Variants in CACNA1S observed in about 807,000 individuals in gnomAD.
The protein encoded by CACNA1S is calcium voltage-gated channel subunit alpha1 S, also known as voltage-dependent L-type calcium channel subunit alpha-1S.
CACNA1S carries 126 observed loss-of-function variants against 207.4 expected under a neutral mutation model. That is an observed-to-expected ratio of 0.61 (90% confidence interval 0.53 to 0.70). The LOEUF is 0.70. Among genes scored for constraint, CACNA1S ranks in the 30% least tolerant of loss-of-function variants. The pLI is 0.00. For synonymous variants in CACNA1S, 960 were observed against 932.7 expected (o/e 1.03, Z -0.53); for missense variants, 2,349 against 2,422.8 (o/e 0.97, Z 0.64).
At chr1:201,101,202 G>T (rs567661784) in intron 2 of CACNA1S, among the ~76,000 whole-genome samples, 1 of 152,292 alleles carries the variant, frequency 6.6e-6, no homozygotes, top group African/African-American at 2.4e-5. Flanking sequence ...TATCTTCTCT[G>T]CCATGAATGA....
chr1:201,089,379 T>C lies in CACNA1S; in HGVS notation c.779A>G (p.Glu260Gly). 1 of 1,614,230 alleles carries C rather than the reference T, an allele frequency of 6.2e-7. No individual in the cohort carries two copies. The highest frequency in any genetic ancestry group is 8.5e-7 in the Non-Finnish European group (1 of 1,180,024). The change falls in exon 6 of 44, where the codon GAG becomes GGG. Residue 260 changes from glutamate (E) to glycine (G), a missense_variant. Physicochemically the swap from Glu to Gly is moderately conservative, Grantham distance 98. Transcript: ENST00000362061. ...SGRRCTINGSECRGGWPGPNH... is the reference protein window; with the variant it reads ...SGRRCTINGSGCRGGWPGPNH... ...GGGCCCTGGCCAGCCGCCCCGGCAC[T>C]CACTGCCATTGATGGTGCACCGGCG...
At chr1:201,041,326 C>G (rs564611503) in intron 41 of CACNA1S, among the ~76,000 whole-genome samples, 178 bp downstream of exon 41, 114 of 152,332 alleles carry the variant, frequency 7.5e-4, no homozygotes, top group African/African-American at 2.5e-3. Flanking sequence ...CTGCTTCCCC[C>G]CTGGACAAGT....
rs755964792 is a variant in CACNA1S at position 201,070,282 on chromosome 1, G to A, written c.2350C>T (p.Pro784Ser). ...PEASSFFIFS[P>S]TNKIRVLCHR... ...CCAAGGGGCACCCACTTATTGGTGG[G>A]GCTGAAGATGAAGAAGGAGCTGGCT... is the stretch of plus-strand genomic sequence containing the variant. Residue 784 changes from proline (P) to serine (S), a missense_variant, in exon 17 of 44, where the codon CCC becomes TCC. Pro to Ser is a moderately conservative substitution (Grantham distance 74). Transcript: ENST00000362061. The A allele has an allele frequency of 6.2e-7, 1 of 1,613,988 alleles. No homozygotes were observed. The highest frequency in any genetic ancestry group is 8.5e-7 in the Non-Finnish European group (1 of 1,180,020).
At chr1:201,047,457 C>G in intron 37 of CACNA1S, 68 bp downstream of exon 37, 1 of 1,401,950 alleles carries the variant, frequency 7.1e-7, no homozygotes, top group Non-Finnish European at 1.0e-6. Context: ...CATGGGGCTC[C>G]TTGGAGAAGC....
Position 201,059,819 on chromosome 1 carries a change from C to T in CACNA1S, c.3415-520G>A, listed in dbSNP as rs897212875. On this transcript the variant is annotated intron_variant, in intron 26 of 43. Transcript: ENST00000362061. ...TGATTATGAGGCATGATGGTGAGGC[C>T]CCTGTCACCTACCACTATGACCCTC... is the stretch of plus-strand genomic sequence containing the variant. 2.6e-5 allele frequency among the ~76,000 whole-genome samples: 4 copies of T among 152,192 alleles called. No individual in the cohort carries two copies. In the South Asian group the frequency reaches 8.3e-4, roughly 32 times the overall value.
Position 201,089,248 on chromosome 1 carries a change from C to A in CACNA1S, c.900+10G>T, listed in dbSNP as rs752163244. 2 of 1,613,778 alleles carry A rather than the reference C, an allele frequency of 1.2e-6. No homozygotes were observed. Among genetic ancestry groups the A allele is most frequent in the Non-Finnish European group, 1.7e-6 (2 of 1,179,632 alleles). On this transcript the variant is annotated intron_variant, in intron 6 of 43. Coordinates refer to ENST00000362061, the MANE Select transcript of CACNA1S (RefSeq NM_000069.3). ...GGGAGATGGTTCTGCAGGCGCGGGC[C>A]CAGACCCACCCAGTAAAGGACGTCA...
intron 40 of CACNA1S, chr1:201,042,975 A>T (rs1660324418): frequency 2.6e-6 from 1 of 379,058 alleles, no homozygotes; most frequent in Non-Finnish European, 5.0e-6. Context: ...ACCACCGAAG[A>T]TCCTCTCCTA....
chr1:201,049,323 C>A (rs1660576186), intron 34 of CACNA1S, among the ~76,000 whole-genome samples: 1 of 152,220 alleles, frequency 6.6e-6, no homozygotes, highest in Admixed American at 6.5e-5. Context: ...AGGCTCTCTC[C>A]TTTGGCGCAT....
chr1:201,109,987 A>T (rs1270856238), intron 2 of CACNA1S, among the ~76,000 whole-genome samples, 177 bp downstream of exon 2: 1 of 152,104 alleles, frequency 6.6e-6, no homozygotes, highest in African/African-American at 2.4e-5. Flanking sequence ...AAGCAGGTTG[A>T]CCCTGGAAAC....
chr1:201,090,868 G>A (rs115870109), intron 5 of CACNA1S, among the ~76,000 whole-genome samples: 172 of 152,200 alleles, frequency 1.1e-3, no homozygotes, highest in African/African-American at 3.7e-3. Flanking sequence ...GTAAAATAGC[G>A]TCACCACTCT....
intron 15 of CACNA1S, 21 bp from the exon 16 acceptor site, chr1:201,072,845 A>G (rs760881678): frequency 2.5e-6 from 4 of 1,601,572 alleles, no homozygotes; most frequent in Non-Finnish European, 2.6e-6. Context: ...GAACACAATG[A>G]CTATAACAAT....
chr1:201,077,771 G>A (rs1426728110), intron 11 of CACNA1S, 108 bp downstream of exon 11: 10 of 713,466 alleles, frequency 1.4e-5, no homozygotes, highest in Non-Finnish European at 2.2e-5. Flanking sequence ...AGGGACCAGT[G>A]GTGAACCTGC....
intron 14 of CACNA1S, 85 bp from the exon 15 acceptor site, chr1:201,073,727 A>ACACC (rs1415495746): frequency 1.3e-5 from 14 of 1,058,582 alleles, no homozygotes; most frequent in Non-Finnish European, 1.8e-5. Context: ...GGAGGATCCC[A>ACACC]CACCAAGGGC....
At chr1:201,108,367 T>G (rs1662976887) in intron 2 of CACNA1S, among the ~76,000 whole-genome samples, 1 of 152,208 alleles carries the variant, frequency 6.6e-6, no homozygotes, top group Non-Finnish European at 1.5e-5. Flanking sequence ...CCTCTCAAAG[T>G]GCTGGGATTA....
rs1324924168 is a variant in CACNA1S at position 201,070,330 on chromosome 1, C to G, written c.2302G>C (p.Glu768Gln). The G allele has an allele frequency of 1.9e-6, 3 of 1,614,008 alleles. No homozygotes were observed. The African/African-American group carries it at 4.0e-5, about 22-fold the overall frequency. Reference protein sequence around the residue: ...PRPLAELQLKEKAVPIPEASS... With the variant: ...PRPLAELQLKQKAVPIPEASS... Reference sequence around the variant, plus strand: ...GCTTCTGGAATGGGCACGGCCTTCTCTTTCAGCTGCAGCTCAGCCAGGGGA... The same window carrying G: ...GCTTCTGGAATGGGCACGGCCTTCTGTTTCAGCTGCAGCTCAGCCAGGGGA... The change falls in exon 17 of 44, where the codon GAG becomes CAG. Residue 768 changes from glutamate to glutamine, a missense_variant. Glu to Gln is a conservative substitution (Grantham distance 29). Transcript: ENST00000362061.
intron 12 of CACNA1S, 71 bp from the exon 13 acceptor site, chr1:201,075,686 A>C (rs967897980): frequency 4.6e-6 from 7 of 1,534,778 alleles, no homozygotes; most frequent in Non-Finnish European, 6.3e-6. Context: ...GACCGCATTG[A>C]CCGAAGTTCT....
At chr1:201,049,773 C>A (rs550705614) in intron 34 of CACNA1S, among the ~76,000 whole-genome samples, 1 of 152,168 alleles carries the variant, frequency 6.6e-6, no homozygotes, top group Non-Finnish European at 1.5e-5. Flanking sequence ...CTGATGGAGG[C>A]ACTTTAAAGC....
At position 201,091,973 on chromosome 1, in the gene CACNA1S, A is replaced by T; in HGVS notation, c.540T>A (p.Pro180=). The T allele has an allele frequency of 6.2e-7, 1 of 1,614,068 alleles. No homozygotes were observed. Among genetic ancestry groups the T allele is most frequent in the East Asian group, 2.2e-5 (1 of 44,862 alleles). ...GTCTGCAGGGACACTGCCACCCACTAGGCACCCCCGACACCAGCCGGAGGG... is the reference window on the plus strand; with the variant it reads ...GTCTGCAGGGACACTGCCACCCACTTGGCACCCCCGACACCAGCCGGAGGG... ...LRPLRLVSGV[P]SLQVVLNSIF... The change falls in exon 4 of 44, where the codon CCT becomes CCA. Residue 180 remains proline, a splice_region_variant and synonymous_variant. Transcript: ENST00000362061.
rs574251246 is a variant in CACNA1S, at chr1:201,039,937, G to A, written c.5516C>T (p.Pro1839Leu). 17 of 1,614,136 alleles carry A rather than the reference G, an allele frequency of 1.1e-5. No homozygotes were observed. The South Asian group carries it at 1.8e-4, about 17-fold the overall frequency. ...TCCCAGGGAGCTGGCCATGCCCTCTGGGGCCTCTCGTCCTTTCAGTAGCTC... is the reference window on the plus strand; with the variant it reads ...TCCCAGGGAGCTGGCCATGCCCTCTAGGGCCTCTCGTCCTTTCAGTAGCTC... ...ATELLKGREAPEGMASSLGCL... is the reference protein window; with the variant it reads ...ATELLKGREALEGMASSLGCL... Residue 1839 changes from proline to leucine, a missense_variant, in exon 44 of 44, where the codon CCA becomes CTA. Coordinates refer to ENST00000362061, the MANE Select transcript of CACNA1S (RefSeq NM_000069.3).
Sources: allele counts gnomAD v4.1 joint callset (sites outside exome capture counted in the v4.1 genomes callset), GRCh38; gene constraint gnomAD v4.1.1; transcripts MANE v1.5; gene names NCBI Gene and HGNC (gene_info 2026-07-23, HGNC 2026-07-21).